GALNT14: variants seen among roughly 807,000 people sequenced by gnomAD.
The protein encoded by GALNT14 is polypeptide N-acetylgalactosaminyltransferase 14, also known as UDP-GalNAc:polypeptide N-acetylgalactosaminyltransferase 14.
A neutral mutation model predicts 77.5 loss-of-function variants in GALNT14; 60 were observed. The ratio of observed to expected loss-of-function variants is 0.77; its 90% CI spans 0.63 to 0.96. The LOEUF is 0.96. GALNT14 is among the 40% of genes least tolerant of loss of function. The pLI is 0.00. For missense variants in GALNT14, 710 were observed against 731.0 expected (o/e 0.97, Z 0.33); for synonymous variants, 280 against 281.7 (o/e 0.99, Z 0.06).
chr2:31,073,211 T>C (rs1415661866), intron 1 of GALNT14: 1 of 152,188 alleles, frequency 6.6e-6, no homozygotes, highest in Non-Finnish European at 1.5e-5. Flanking sequence ...ACTCACTCTG[T>C]GGGATTTTTG....
the GALNT14 span, among the ~76,000 whole-genome samples, chr2:30,901,802 G>A: frequency 2.6e-5 from 4 of 152,190 alleles, no homozygotes; most frequent in East Asian, 1.9e-4. Flanking sequence ...CTTGGGGGAC[G>A]GGGCTTCTGC....
Position 30,932,163 on chromosome 2 carries a change from G to T in GALNT14, c.963C>A (p.Gly321=), listed in dbSNP as rs1665774525. The change falls in exon 10 of 15, where the codon GGC becomes GGA. Residue 321 remains glycine, a synonymous_variant. Coordinates refer to ENST00000349752, the MANE Select transcript of GALNT14 (RefSeq NM_024572.4). ...GGCTGCAGGGGACGATCTCTAGGCT[G>T]CCCCCGCACATCCACACTCGGAAGG... ...EISFRVWMCG[G]SLEIVPCSRV... 1.9e-6 allele frequency: 3 copies of T among 1,547,570 alleles called. No homozygotes were observed. The highest frequency in any genetic ancestry group is 2.6e-6 in the Non-Finnish European group (3 of 1,146,968).
chr2:30,909,476 C>CCAG (rs1402293885), downstream of GALNT14, among the ~76,000 whole-genome samples: 1 of 151,066 alleles, frequency 6.6e-6, no homozygotes, highest in African/African-American at 2.4e-5. Context: ...TCATCACTGG[C>CCAG]CATCAGAGAA....
the GALNT14 span, among the ~76,000 whole-genome samples, chr2:30,901,724 C>T: frequency 6.6e-6 from 1 of 151,800 alleles, no homozygotes; most frequent in Non-Finnish European, 1.5e-5. Context: ...AATTCCATTT[C>T]CTTTAATACA....
At chr2:31,016,071 A>G (rs1028571391) in intron 1 of GALNT14, among the ~76,000 whole-genome samples, 1 of 152,166 alleles carries the variant, frequency 6.6e-6, no homozygotes, top group South Asian at 2.1e-4. Context: ...CGCTCGGGCT[A>G]CCATCACAAA....
At chr2:30,956,896 T>A (rs1306173834) in intron 4 of GALNT14, among the ~76,000 whole-genome samples, 3 of 152,232 alleles carry the variant, frequency 2.0e-5, no homozygotes, top group Non-Finnish European at 4.4e-5. Context: ...ATAAATGAGA[T>A]TTTAGACTTT....
At chr2:30,894,925 T>G in the GALNT14 span, among the ~76,000 whole-genome samples, 3 of 152,216 alleles carry the variant, frequency 2.0e-5, no homozygotes, top group Non-Finnish European at 4.4e-5. Context: ...CTGCTGGGTT[T>G]GTACTATCAG....
At chr2:30,962,071 G>A (rs1003589806) in intron 3 of GALNT14, among the ~76,000 whole-genome samples, 4 of 152,130 alleles carry the variant, frequency 2.6e-5, no homozygotes, top group Admixed American at 1.3e-4. Flanking sequence ...GCCTGCTCAA[G>A]TTTGAGAGCC....
At chr2:31,065,459 G>C (rs937795861) in intron 1 of GALNT14, 1 of 152,160 alleles carries the variant, frequency 6.6e-6, no homozygotes, top group Admixed American at 6.5e-5. Context: ...TAAGAATTAA[G>C]GCAAATTAAA....
chr2:31,060,769 C>T (rs556492828), intron 1 of GALNT14, among the ~76,000 whole-genome samples: 2 of 152,118 alleles, frequency 1.3e-5, no homozygotes, highest in African/African-American at 2.4e-5. Flanking sequence ...CAGTGAGGGG[C>T]CCGAAGACAG....
At chr2:31,118,820 G>A (rs7583218) in intron 1 of GALNT14, among the ~76,000 whole-genome samples, 94,636 of 152,058 alleles carry the variant, frequency 0.62, 31,283 homozygotes, top group African/African-American at 0.85. Flanking sequence ...TTGAGAAGTA[G>A]CTACTGGATT....
chr2:31,064,967 C>T (rs886328538), intron 1 of GALNT14, among the ~76,000 whole-genome samples: 2 of 150,602 alleles, frequency 1.3e-5, no homozygotes, highest in African/African-American at 4.9e-5. Flanking sequence ...TCTCCTCCCT[C>T]CTTGCTGGCA....
In GALNT14 at chr2:31,075,016, T is replaced by C. The variant is rs374683477; in HGVS notation, c.129+62942A>G. Among the ~76,000 whole-genome samples the C allele has an allele frequency of 1.7e-3, 258 of 152,292 alleles. 1 individual carries two copies. Among genetic ancestry groups the C allele is most frequent in the African/African-American group, 5.9e-3 (247 of 41,562 alleles). On this transcript the variant is annotated intron_variant, in intron 1 of 14. Coordinates refer to ENST00000349752, the MANE Select transcript of GALNT14 (RefSeq NM_024572.4). ...AATCCCCAGTGTTGGAGGTGGGGCC[T>C]GGTGGGAGGTGTTCAGGTCCTGGGA...
chr2:31,014,560 C>G (rs1026898125), intron 1 of GALNT14, among the ~76,000 whole-genome samples: 5 of 152,020 alleles, frequency 3.3e-5, no homozygotes, highest in African/African-American at 1.2e-4. Context: ...GTGGATGCCC[C>G]CTTCTGAAGG....
At chr2:31,129,512 T>A (rs923896426) in intron 1 of GALNT14, 1 of 985,318 alleles carries the variant, frequency 1.0e-6, no homozygotes, top group African/African-American at 1.7e-5. Context: ...TGGCCATCTA[T>A]TAATAGCCAA....
the GALNT14 span, among the ~76,000 whole-genome samples, chr2:30,888,685 C>T: frequency 6.6e-3 from 998 of 152,120 alleles, 16 homozygotes; most frequent in African/African-American, 0.023. Flanking sequence ...GGAGAATAAG[C>T]CTGTTCCTAC....
intron 2 of GALNT14, 42 bp from the exon 3 acceptor site, chr2:30,966,344 C>A (rs1209821382): frequency 2.1e-6 from 3 of 1,430,726 alleles, no homozygotes; most frequent in Admixed American, 1.7e-5. Flanking sequence ...CCTTCAGGGA[C>A]AAAGCATATC....
At chr2:31,014,505 T>C (rs1218574566) in intron 1 of GALNT14, among the ~76,000 whole-genome samples, 3 of 152,188 alleles carry the variant, frequency 2.0e-5, no homozygotes, top group Non-Finnish European at 2.9e-5. Context: ...CTTCACCTCC[T>C]GGCAGGGGCA....
chr2:30,929,875 A>G (rs1014839043), intron 10 of GALNT14, among the ~76,000 whole-genome samples: 1 of 152,188 alleles, frequency 6.6e-6, no homozygotes, highest in Admixed American at 6.5e-5. Flanking sequence ...CCTTACACAC[A>G]TAGCCTGAAG....
Sources: gnomAD v4.1 joint callset for allele counts (sites outside exome capture counted in the v4.1 genomes callset) on GRCh38, gnomAD v4.1.1 for gene constraint, MANE v1.5 for transcripts, NCBI Gene and HGNC (gene_info 2026-07-23, HGNC 2026-07-21) for gene names.